OXSR1: variants seen among roughly 807,000 people sequenced by gnomAD.
OXSR1 encodes serine/threonine-protein kinase OSR1.
OXSR1 carries 24 observed loss-of-function variants against 79.8 expected under a neutral mutation model. That is an observed-to-expected ratio of 0.30 (90% confidence interval 0.22 to 0.42). The LOEUF is 0.42. OXSR1 is among the 10% of genes least tolerant of loss of function. The pLI, the probability that OXSR1 is intolerant of heterozygous loss-of-function variation, is 1.00. For missense variants in OXSR1, 430 were observed against 618.4 expected, an observed-to-expected ratio of 0.70 and a Z score of 3.23; for synonymous variants, 226 against 209.2, an observed-to-expected ratio of 1.08 and a Z score of -0.69.
At chr3:38,209,736 G>A (rs1206167803) in intron 4 of OXSR1, among the ~76,000 whole-genome samples, 1 of 150,328 alleles carries the variant, frequency 6.7e-6, no homozygotes, top group Non-Finnish European at 1.5e-5. Flanking sequence ...CTGGGTTCAT[G>A]CGTCAGCCTC....
chr3:38,181,828 AT>A lies in OXSR1; in HGVS notation c.71-1162del, dbSNP rs369042373. Among the ~76,000 whole-genome samples the A allele has an allele frequency of 2.8e-3, 394 of 141,214 alleles. 3 individuals carry two copies. Among genetic ancestry groups the A allele is most frequent in the African/African-American group, 3.2e-3 (124 of 38,920 alleles). 92.6% of individuals were successfully genotyped at this position (141,214 alleles called of 152,430 possible). On this transcript the variant is annotated intron_variant, in intron 1 of 17. Coordinates refer to ENST00000311806, the MANE Select transcript of OXSR1 (RefSeq NM_005109.3). The stretch of plus-strand genomic sequence containing the variant: ...TTCCTGGTTCTTGGTATGACATGTC[AT>A]TTTTTTTTTTTTATTGTACCTTGGA...
Position 38,165,963 on chromosome 3 carries a change from C to CGGAGGGGGGAGGCGCGGCGCTG in OXSR1, c.70+23_70+44dup. On this transcript the variant is annotated intron_variant, in intron 1 of 17. Transcript: ENST00000311806. ...AGGTGATCGGTGAGAGCAGGCGCTG[C>CGGAGGGGGGAGGCGCGGCGCTG]GGAGGGGGGAGGCGCGGCGCTGGGA... 1 of 1,605,892 alleles carries CGGAGGGGGGAGGCGCGGCGCTG rather than the reference C, an allele frequency of 6.2e-7. No individual in the cohort carries two copies. Among genetic ancestry groups the CGGAGGGGGGAGGCGCGGCGCTG allele is most frequent in the Non-Finnish European group, 8.5e-7 (1 of 1,176,092 alleles).
chr3:38,247,633 C>T, intron 13 of OXSR1, 35 bp from the exon 14 acceptor site: 1 of 1,502,782 alleles, frequency 6.7e-7, no homozygotes, highest in Non-Finnish European at 9.3e-7. Context: ...CTTAATGTTT[C>T]AGGCAATGAC....
chr3:38,181,930 AG>A (rs917665785), intron 1 of OXSR1, among the ~76,000 whole-genome samples: 1 of 151,556 alleles, frequency 6.6e-6, no homozygotes, highest in Non-Finnish European at 1.5e-5. Flanking sequence ...TATGTTTCCC[AG>A]GCTGGTCTCT....
Position 38,253,581 on chromosome 3 carries a change from T to A in OXSR1, c.*690T>A, listed in dbSNP as rs536494278. ...GCAAAACATCTGACTGTAGCCGAAC[T>A]TCAGCCATCAGATCCTTCAAAGTGG... On this transcript the variant is annotated 3_prime_UTR_variant, in exon 18 of 18. Coordinates refer to ENST00000311806, the MANE Select transcript of OXSR1 (RefSeq NM_005109.3). The A allele has an allele frequency of 1.3e-5, 2 of 152,806 alleles. No homozygotes were observed. Among genetic ancestry groups the A allele is most frequent in the African/African-American group, 4.8e-5 (2 of 41,590 alleles). 9.5% of individuals were successfully genotyped at this position (152,806 alleles called of 1,614,324 possible).
chr3:38,252,712 CCT>C (rs1703283414), intron 17 of OXSR1, 103 bp from the exon 18 acceptor site: 21 of 826,310 alleles, frequency 2.5e-5, no homozygotes, highest in Non-Finnish European at 4.1e-5. Context: ...ATCCTAGGGA[CCT>C]GTTGCCCACT....
chr3:38,188,394 A>G (rs1474018629), intron 2 of OXSR1, among the ~76,000 whole-genome samples: 1 of 152,236 alleles, frequency 6.6e-6, no homozygotes, highest in Non-Finnish European at 1.5e-5. Context: ...AAACTTACAG[A>G]AGAATTGCAA....
At chr3:38,178,890 G>A (rs891908211) in intron 1 of OXSR1, among the ~76,000 whole-genome samples, 1 of 151,856 alleles carries the variant, frequency 6.6e-6, no homozygotes, top group Non-Finnish European at 1.5e-5. Context: ...TTGAGATGGA[G>A]TCTCTCTCTG....
chr3:38,225,114 T>C (rs1702665126), intron 8 of OXSR1: 1 of 152,854 alleles, frequency 6.5e-6, no homozygotes, highest in Non-Finnish European at 1.5e-5. Flanking sequence ...TAGAAAGATA[T>C]TTTAGTAAGT....
intron 12 of OXSR1, among the ~76,000 whole-genome samples, chr3:38,244,670 T>TGTGTGTGCGC (rs1491372358): frequency 6.7e-6 from 1 of 149,626 alleles, no homozygotes; most frequent in Non-Finnish European, 1.5e-5. Flanking sequence ...TGTGTGTGCG[T>TGTGTGTGCGC]GCGCATGTAC....
At chr3:38,171,644 T>C (rs1701583922) in intron 1 of OXSR1, among the ~76,000 whole-genome samples, 1 of 152,088 alleles carries the variant, frequency 6.6e-6, no homozygotes, top group Non-Finnish European at 1.5e-5. Context: ...ATTAAAAGCC[T>C]ATAGATTGAA....
At chr3:38,250,836 C>T (rs1293366600) in intron 15 of OXSR1, among the ~76,000 whole-genome samples, 2 of 152,182 alleles carry the variant, frequency 1.3e-5, no homozygotes, top group Non-Finnish European at 2.9e-5. Context: ...CTCCTGTTCC[C>T]TCTGAGGGGC....
At chr3:38,242,825 T>G in intron 12 of OXSR1, 47 bp downstream of exon 12, 2 of 1,209,046 alleles carry the variant, frequency 1.7e-6, no homozygotes, top group Non-Finnish European at 2.4e-6. Context: ...AATGTGCTTT[T>G]GTTTTGGTTT....
chr3:38,224,697 G>T lies in OXSR1; in HGVS notation c.829G>T (p.Glu277Ter). Residue 277 changes from glutamate to a stop codon, truncating the protein, a stop_gained, in exon 8 of 18, where the codon GAA (glutamate) becomes TAA (stop). Transcript: ENST00000311806. LOFTEE classifies it high-confidence loss of function. ...TTCATTGTGCCTTCAAAAAGATCCAGAAAAAAGGTAAAATATGAGAAAAAG... is the reference window on the plus strand; with the variant it reads ...TTCATTGTGCCTTCAAAAAGATCCATAAAAAAGGTAAAATATGAGAAAAAG... ...MISLCLQKDP[E>*]KRPTAAELLR... 6.4e-7 allele frequency: 1 copy of T among 1,552,498 alleles called. No individual in the cohort carries two copies. Among genetic ancestry groups the T allele is most frequent in the Admixed American group, 2.0e-5 (1 of 48,954 alleles).
intron 1 of OXSR1, among the ~76,000 whole-genome samples, chr3:38,172,871 G>A (rs1319608344): frequency 6.6e-6 from 1 of 152,212 alleles, no homozygotes; most frequent in Non-Finnish European, 1.5e-5. Context: ...CAAGAAGACT[G>A]GAGGTGGCAG....
At chr3:38,177,073 A>G (rs1438771103) in intron 1 of OXSR1, among the ~76,000 whole-genome samples, 1 of 152,250 alleles carries the variant, frequency 6.6e-6, no homozygotes, top group Admixed American at 6.5e-5. Flanking sequence ...AAATATTGCA[A>G]AGAATCAGTG....
At chr3:38,208,681 T>G (rs1034648967) in intron 4 of OXSR1, among the ~76,000 whole-genome samples, 2 of 152,138 alleles carry the variant, frequency 1.3e-5, no homozygotes, top group African/African-American at 2.4e-5. Context: ...GGTTGGTGGA[T>G]CATGAGGTCA....
chr3:38,181,341 A>G (rs1366704939), intron 1 of OXSR1, among the ~76,000 whole-genome samples: 1 of 135,648 alleles, frequency 7.4e-6, no homozygotes, highest in Admixed American at 7.2e-5. Context: ...TCTGTTTTTT[A>G]TTTGTTTCAA....
At chr3:38,236,673 A>C (rs1357850785) in intron 10 of OXSR1, 166 bp from the exon 11 acceptor site, 1 of 513,720 alleles carries the variant, frequency 1.9e-6, no homozygotes, top group Non-Finnish European at 3.3e-6. Flanking sequence ...GATTGTCAAC[A>C]GAGAGCAGGT....
Sources: allele counts gnomAD v4.1 joint callset (sites outside exome capture counted in the v4.1 genomes callset), GRCh38; gene constraint gnomAD v4.1.1; transcripts MANE v1.5; gene names NCBI Gene and HGNC (gene_info 2026-07-23, HGNC 2026-07-21).